Variants in KLF17 observed in about 807,000 individuals in gnomAD.
The protein encoded by KLF17 is KLF transcription factor 17, also known as Krueppel-like factor 17.
In KLF17, 31 loss-of-function variants were observed where a neutral mutation model predicts 34.2. That is an observed-to-expected ratio of 0.91 (90% CI 0.68 to 1.22). KLF17 has a LOEUF of 1.22. Ranked by LOEUF, KLF17 falls within the 50% of genes most tolerant of loss-of-function variation. KLF17 has a pLI of 0.00. For missense variants in KLF17, 478 were observed against 505.2 expected (o/e 0.95, Z 0.52); for synonymous variants, 179 against 186.7 (o/e 0.96, Z 0.34).
chr1:44,049,382 A>C, the KLF17 span, among the ~76,000 whole-genome samples: 1 of 152,160 alleles, frequency 6.6e-6, no homozygotes, highest in Non-Finnish European at 1.5e-5. Context: ...GCTACCTCCC[A>C]ATCCCAGCCC....
At chr1:44,047,678 T>C in the KLF17 span, among the ~76,000 whole-genome samples, 1 of 152,148 alleles carries the variant, frequency 6.6e-6, no homozygotes, top group African/African-American at 2.4e-5. Context: ...GATTTGAGAA[T>C]GAGGGCACGA....
At position 44,131,044 on chromosome 1, in the gene KLF17, G is replaced by A. The variant is rs151012758; in HGVS notation, c.*288G>A. On this transcript the variant is annotated intron_variant, in intron 3 of 3. Coordinates refer to ENST00000372299, the MANE Select transcript of KLF17 (RefSeq NM_173484.4). ...TCTCCTGACCTCATGATCCGCCCAC[G>A]CTGGCCTCCCAAAGTGCTGGGATTA... Among the ~76,000 whole-genome samples, 1,191 of 152,202 alleles carry A rather than the reference G, an allele frequency of 7.8e-3. 28 individuals carry two copies. The highest frequency in any genetic ancestry group is 0.027 in the African/African-American group (1,107 of 41,534).
Position 44,127,730 on chromosome 1 carries a change from C to T in KLF17, c.82-1623C>T, listed in dbSNP as rs566158530. 2.2e-3 allele frequency among the ~76,000 whole-genome samples: 250 copies of T among 112,656 alleles called. 2 individuals carry two copies. The highest frequency in any genetic ancestry group is 8.4e-3 in the African/African-American group (238 of 28,340). 73.9% of individuals were successfully genotyped at this position (112,656 alleles called of 152,430 possible). On this transcript the variant is annotated intron_variant, in intron 1 of 3. Coordinates refer to ENST00000372299, the MANE Select transcript of KLF17 (RefSeq NM_173484.4). ...TTTCTTTCTTCTCTTTTCTTTCTTT[C>T]TTCTCTTTTCTTTCTTCTCTTTTCT...
chr1:44,068,065 C>A, the KLF17 span, among the ~76,000 whole-genome samples: 2 of 152,078 alleles, frequency 1.3e-5, no homozygotes, highest in South Asian at 2.1e-4. Context: ...TGCTTTGTCA[C>A]CCAGGCTGGA....
chr1:44,066,888 A>G, the KLF17 span, among the ~76,000 whole-genome samples: 7 of 152,214 alleles, frequency 4.6e-5, no homozygotes, highest in African/African-American at 1.7e-4. Context: ...TTAGTAACAT[A>G]ATTTTGAGCA....
the KLF17 span, chr1:44,061,120 A>G: frequency 2.6e-5 from 4 of 152,176 alleles, no homozygotes; most frequent in Admixed American, 6.5e-5. Flanking sequence ...TTTGTCTTCT[A>G]TATTACAACA....
the KLF17 span, among the ~76,000 whole-genome samples, chr1:44,083,078 A>G: frequency 6.6e-6 from 1 of 151,388 alleles, no homozygotes; most frequent in Non-Finnish European, 1.5e-5. Flanking sequence ...AGTAGCTAGG[A>G]CTACGGGGCA....
the KLF17 span, among the ~76,000 whole-genome samples, chr1:44,086,935 C>T: frequency 1.4e-4 from 22 of 152,048 alleles, no homozygotes; most frequent in Non-Finnish European, 3.2e-4. Context: ...AGAATAATTG[C>T]CAGGAAGTTA....
the KLF17 span, among the ~76,000 whole-genome samples, chr1:44,080,236 C>CT: frequency 0.42 from 39,895 of 94,136 alleles, 10,225 homozygotes; most frequent in South Asian, 0.52. Flanking sequence ...CCCTCTGTGT[C>CT]TTTTTTTTTT....
chr1:44,122,426 G>T, intron 1 of KLF17: 2 of 1,470,580 alleles, frequency 1.4e-6, no homozygotes, highest in Non-Finnish European at 1.9e-6. Flanking sequence ...CCACACCTGT[G>T]ACTGTTCCAT....
At chr1:44,125,918 A>G (rs1333764009) in intron 1 of KLF17, among the ~76,000 whole-genome samples, 1 of 152,218 alleles carries the variant, frequency 6.6e-6, no homozygotes, top group Non-Finnish European at 1.5e-5. Flanking sequence ...GAGTTGCCAT[A>G]ATGGCTGCCA....
At chr1:44,099,878 AAAGAAAG>A in the KLF17 span, among the ~76,000 whole-genome samples, 1 of 66,922 alleles carries the variant, frequency 1.5e-5, no homozygotes, top group Admixed American at 1.6e-4. Flanking sequence ...AGAAAGAAAG[AAAGAAAG>A]AAAGAAAGAA....
intron 1 of KLF17, among the ~76,000 whole-genome samples, chr1:44,122,848 C>G (rs1025350946): frequency 2.6e-5 from 4 of 152,118 alleles, no homozygotes; most frequent in Non-Finnish European, 5.9e-5. Context: ...ATCCACCCCC[C>G]TTGGCCTCCC....
At chr1:44,101,055 ATTT>A in the KLF17 span, among the ~76,000 whole-genome samples, 2 of 152,282 alleles carry the variant, frequency 1.3e-5, no homozygotes, top group African/African-American at 4.8e-5. Context: ...TACCTTCAGA[ATTT>A]TTTTAACTTT....
At chr1:44,056,134 G>A in the KLF17 span, among the ~76,000 whole-genome samples, 1 of 152,276 alleles carries the variant, frequency 6.6e-6, no homozygotes, top group East Asian at 1.9e-4. Flanking sequence ...CATCTCTTCT[G>A]CAATGCATTA....
rs750521398 is a variant in KLF17 at position 44,130,687 on chromosome 1, G to A, written c.1101G>A (p.Pro367=). The change falls in exon 3 of 4, where the codon CCG becomes CCA. Residue 367 remains proline (P), a synonymous_variant. Coordinates refer to ENST00000372299, the MANE Select transcript of KLF17 (RefSeq NM_173484.4). The part of the protein sequence containing the change: ...HLKQHQKTHR[P]GPSDPQANNN... Reference sequence around the variant, plus strand: ...AGCAACACCAGAAGACTCATCGGCCGGGACCCTCAGACCCACAGGCCAACA... The same window carrying A: ...AGCAACACCAGAAGACTCATCGGCCAGGACCCTCAGACCCACAGGCCAACA... The A allele has an allele frequency of 1.4e-5, 22 of 1,613,138 alleles. No homozygotes were observed. The highest frequency in any genetic ancestry group is 9.9e-5 in the South Asian group (9 of 90,916).
chr1:44,103,734 C>T, the KLF17 span: 12 of 1,353,760 alleles, frequency 8.9e-6, no homozygotes, highest in South Asian at 5.9e-5. Flanking sequence ...GGCGTTGGCA[C>T]CCTTAACTGC....
At chr1:44,090,306 CAAAAAAA>C in the KLF17 span, among the ~76,000 whole-genome samples, 104 of 23,360 alleles carry the variant, frequency 4.5e-3, no homozygotes, top group African/African-American at 0.018. Flanking sequence ...CTTGTCTCTA[CAAAAAAA>C]AAAAAAAAAA....
At chr1:44,085,472 T>C in the KLF17 span, among the ~76,000 whole-genome samples, 1 of 152,044 alleles carries the variant, frequency 6.6e-6, no homozygotes, top group Admixed American at 6.6e-5. Context: ...TCCAAGGCCA[T>C]GAGTAATAAC....
Sources: allele counts gnomAD v4.1 joint callset (sites outside exome capture counted in the v4.1 genomes callset), GRCh38; gene constraint gnomAD v4.1.1; transcripts MANE v1.5; gene names NCBI Gene and HGNC (gene_info 2026-07-23, HGNC 2026-07-21).